Variants in GRM5 observed in about 807,000 individuals in gnomAD.
The protein encoded by GRM5 is glutamate metabotropic receptor 5.
GRM5 carries 19 observed loss-of-function variants against 83.1 expected under a neutral mutation model. That is an observed-to-expected ratio of 0.23 (90% CI 0.16 to 0.34). The LOEUF is 0.34. Among genes scored for constraint, GRM5 ranks in the 10% least tolerant of loss-of-function variants. The probability of loss-of-function intolerance (pLI) is 1.00; values close to 1 mark genes in which losing one functional copy is unlikely to be tolerated. For synonymous variants in GRM5, 675 were observed against 633.6 expected (o/e 1.07, Z -0.98); for missense variants, 1,160 against 1,588.3 (o/e 0.73, Z 4.58).
intron 2 of GRM5, among the ~76,000 whole-genome samples, chr11:89,004,557 G>A (rs745372683): frequency 1.3e-5 from 2 of 152,152 alleles, no homozygotes; most frequent in African/African-American, 2.4e-5. Context: ...TGGAATTTGA[G>A]AATGCTTAAC....
intron 3 of GRM5, among the ~76,000 whole-genome samples, chr11:88,698,561 C>T (rs958871567): frequency 1.2e-4 from 18 of 152,064 alleles, no homozygotes; most frequent in South Asian, 4.1e-4. Flanking sequence ...TTATTGGCTA[C>T]GTATGGATTC....
At chr11:88,815,324 C>G (rs923624419) in intron 3 of GRM5, among the ~76,000 whole-genome samples, 3 of 152,056 alleles carry the variant, frequency 2.0e-5, no homozygotes, top group Admixed American at 6.5e-5. Flanking sequence ...TTTATAATAA[C>G]TCATGTGTCA....
chr11:89,052,241 G>A (rs1167664780), intron 1 of GRM5, among the ~76,000 whole-genome samples: 1 of 152,104 alleles, frequency 6.6e-6, no homozygotes, highest in Non-Finnish European at 1.5e-5. Context: ...TGCAAATTGA[G>A]GGTCATCAAT....
intron 3 of GRM5, among the ~76,000 whole-genome samples, chr11:88,725,733 C>T (rs1941663769): frequency 6.6e-6 from 1 of 152,112 alleles, no homozygotes; most frequent in Non-Finnish European, 1.5e-5. Context: ...GCTGGTAATA[C>T]CTAGGCAAAC....
chr11:88,588,928 C>G (rs1426367964), intron 7 of GRM5, among the ~76,000 whole-genome samples: 2 of 151,902 alleles, frequency 1.3e-5, no homozygotes, highest in African/African-American at 2.4e-5. Context: ...TTCTCAAGTA[C>G]CTAATATTAT....
chr11:88,925,875 C>T (rs761095268), intron 2 of GRM5: 38 of 364,932 alleles, frequency 1.0e-4, no homozygotes, highest in African/African-American at 3.4e-4. Flanking sequence ...TGCCACTGCA[C>T]GCTAGACTGG....
intron 2 of GRM5, among the ~76,000 whole-genome samples, chr11:88,896,231 A>G (rs16915069): frequency 0.12 from 17,865 of 151,862 alleles, 1,744 homozygotes; most frequent in East Asian, 0.27. Context: ...TTGTGCATCT[A>G]ATCACTGACA....
chr11:88,796,919 T>TAC (rs1943289014), intron 3 of GRM5, among the ~76,000 whole-genome samples: 3 of 145,848 alleles, frequency 2.1e-5, no homozygotes, highest in African/African-American at 8.2e-5. Context: ...TGTGTGTGTG[T>TAC]GTGTGTGTGT....
Position 88,928,859 on chromosome 11 carries a change from G to A in GRM5, c.662-78704C>T, listed in dbSNP as rs1410671653. On this transcript the variant is annotated intron_variant, in intron 2 of 9. Coordinates refer to ENST00000305447, the MANE Select transcript of GRM5 (RefSeq NM_001143831.3). ...CAGTAAATGGATAGTAAGAAATATGGATGAAATTTTTTTCCCTTATTGGTT... is the reference window on the plus strand; with the variant it reads ...CAGTAAATGGATAGTAAGAAATATGAATGAAATTTTTTTCCCTTATTGGTT... 5.5e-5 allele frequency among the ~76,000 whole-genome samples: 8 copies of A among 146,080 alleles called. No homozygotes were observed. The East Asian group carries it at 1.6e-3, about 30-fold the overall frequency.
intron 8 of GRM5, among the ~76,000 whole-genome samples, chr11:88,534,286 G>A (rs1023767010): frequency 1.3e-5 from 2 of 152,224 alleles, no homozygotes; most frequent in Non-Finnish European, 2.9e-5. Flanking sequence ...GCCTGGAAAA[G>A]CGGTAGACAC....
Position 88,542,899 on chromosome 11 carries a change from T to A in GRM5, c.2631-17495A>T, listed in dbSNP as rs574447053. Among the ~76,000 whole-genome samples the A allele has an allele frequency of 1.4e-4, 21 of 152,208 alleles. No individual in the cohort carries two copies. The South Asian group carries it at 1.7e-3, about 12-fold the overall frequency. On this transcript the variant is annotated intron_variant, in intron 8 of 9. Coordinates refer to ENST00000305447, the MANE Select transcript of GRM5 (RefSeq NM_001143831.3). The stretch of plus-strand genomic sequence containing the variant: ...GCCTGGCCAACATGGTGAAACCCCG[T>A]CTCTACTAAAAATACAAAATTAGCT...
rs189010154 is a variant in GRM5 at position 88,758,801 on chromosome 11, A to G, written c.911+91105T>C. ...GAAGACACATAATCTCAGAATCTCC[A>G]AGGTTAAACTGGAAGAATAAATATT... On this transcript the variant is annotated intron_variant, in intron 3 of 9. Transcript: ENST00000305447. Among the ~76,000 whole-genome samples, 1,052 of 152,264 alleles carry G rather than the reference A, an allele frequency of 6.9e-3. 40 individuals are homozygous for G. The highest frequency in any genetic ancestry group is 0.063 in the Admixed American group (967 of 15,280).
intron 8 of GRM5, among the ~76,000 whole-genome samples, chr11:88,537,402 C>A (rs923236003): frequency 6.6e-6 from 1 of 152,006 alleles, no homozygotes; most frequent in Non-Finnish European, 1.5e-5. Context: ...CAATCAGTTT[C>A]GATGTGTGGG....
intron 3 of GRM5, among the ~76,000 whole-genome samples, chr11:88,775,078 T>G (rs1942819075): frequency 6.6e-6 from 1 of 152,160 alleles, no homozygotes; most frequent in South Asian, 2.1e-4. Context: ...CCTGGACTTT[T>G]TTTGGTTGGT....
chr11:88,656,132 A>ATAGTCTTGTACTAC (rs11271068), intron 3 of GRM5, among the ~76,000 whole-genome samples: 1 of 152,100 alleles, frequency 6.6e-6, no homozygotes, highest in Non-Finnish European at 1.5e-5. Context: ...TGGACCTTCA[A>ATAGTCTTGTACTAC]TTTAATTTTT....
chr11:88,922,625 T>G (rs1945712248), intron 2 of GRM5, among the ~76,000 whole-genome samples: 1 of 151,988 alleles, frequency 6.6e-6, no homozygotes, highest in South Asian at 2.1e-4. Context: ...ACAAAACTAC[T>G]AAAAGAAAAC....
At chr11:89,055,411 T>A (rs1336674914) in intron 1 of GRM5, among the ~76,000 whole-genome samples, 3 of 152,218 alleles carry the variant, frequency 2.0e-5, no homozygotes, top group Non-Finnish European at 1.5e-5. Context: ...GTTTGCTCTA[T>A]CCTCCAAGCT....
In GRM5 at chr11:88,566,613, C is replaced by T. The variant is rs1055216414; in HGVS notation, c.2630+440G>A. On this transcript the variant is annotated intron_variant, in intron 8 of 9. Coordinates refer to ENST00000305447, the MANE Select transcript of GRM5 (RefSeq NM_001143831.3). ...TTCTGGCTTGAATAAGGTTTAGGCA[C>T]GTACAAGTGCAGTCTGATGTGTCGA... 8.5e-5 allele frequency among the ~76,000 whole-genome samples: 13 copies of T among 152,300 alleles called. No homozygotes were observed. In the South Asian group the frequency reaches 1.9e-3, roughly 22 times the overall value.
intron 2 of GRM5, among the ~76,000 whole-genome samples, chr11:89,003,791 A>C (rs1940451673): frequency 1.3e-5 from 2 of 152,186 alleles, no homozygotes; most frequent in South Asian, 4.1e-4. Flanking sequence ...AATTTAAGTA[A>C]AGCCAGTCAG....
Sources: gnomAD v4.1 joint callset for allele counts (sites outside exome capture counted in the v4.1 genomes callset) on GRCh38, gnomAD v4.1.1 for gene constraint, MANE v1.5 for transcripts, NCBI Gene and HGNC (gene_info 2026-07-23, HGNC 2026-07-21) for gene names.